EPHA6: variants seen among roughly 807,000 people sequenced by gnomAD.
EPHA6 encodes EPH receptor A6.
Under a neutral mutation model 112.0 loss-of-function variants are expected in EPHA6, and 50 were observed. The observed-to-expected ratio is 0.45, with a 90% CI of 0.36 to 0.56. The LOEUF (loss-of-function observed/expected upper bound fraction) is 0.56, where lower values mean the gene tolerates loss of function less well. EPHA6 is among the 20% of genes least tolerant of loss of function. The probability of loss-of-function intolerance (pLI) is 0.00; values close to 1 mark genes in which losing one functional copy is unlikely to be tolerated. For synonymous variants in EPHA6, 529 were observed against 490.7 expected (o/e 1.08, Z -1.03); for missense variants, 1,280 against 1,417.4 (o/e 0.90, Z 1.56).
chr3:97,171,621 T>A (rs148885655), intron 3 of EPHA6, among the ~76,000 whole-genome samples: 1 of 152,184 alleles, frequency 6.6e-6, no homozygotes, highest in Admixed American at 6.5e-5. Context: ...TGTAAGTTAT[T>A]GGGAGAATGA....
At chr3:97,049,499 A>C (rs2045617877) in intron 3 of EPHA6, among the ~76,000 whole-genome samples, 1 of 152,232 alleles carries the variant, frequency 6.6e-6, no homozygotes, top group African/African-American at 2.4e-5. Flanking sequence ...CAGATAGCGC[A>C]GATAGAGCTT....
At chr3:97,212,695 A>G (rs1363040523) in intron 3 of EPHA6, among the ~76,000 whole-genome samples, 4 of 152,230 alleles carry the variant, frequency 2.6e-5, no homozygotes, top group South Asian at 4.1e-4. Flanking sequence ...CATCTTTAAC[A>G]TATAAATTAT....
chr3:96,874,235 T>G (rs2036813462), intron 2 of EPHA6, among the ~76,000 whole-genome samples: 1 of 152,158 alleles, frequency 6.6e-6, no homozygotes, highest in African/African-American at 2.4e-5. Flanking sequence ...ACTGTAAAGA[T>G]TAATTTTCCT....
chr3:97,174,878 C>G (rs1004661249), intron 3 of EPHA6, among the ~76,000 whole-genome samples: 1 of 151,566 alleles, frequency 6.6e-6, no homozygotes, highest in South Asian at 2.1e-4. Flanking sequence ...GTATCTTTGC[C>G]GTGAAGAGCC....
At chr3:97,339,557 T>A (rs2083209393) in intron 5 of EPHA6, among the ~76,000 whole-genome samples, 1 of 152,338 alleles carries the variant, frequency 6.6e-6, no homozygotes, top group South Asian at 2.1e-4. Context: ...ATGCTCTATT[T>A]TCCACTTACT....
In EPHA6 at chr3:96,814,806, GGAA is replaced by G. The variant is rs768296795; in HGVS notation, c.189_191del (p.Glu63del). The G allele has an allele frequency of 7.5e-6, 12 of 1,599,824 alleles. No homozygotes were observed. In the African/African-American group the frequency reaches 1.6e-4, roughly 21 times the overall value. On this transcript the variant is annotated inframe_deletion, in exon 1 of 18. Coordinates refer to ENST00000389672, the MANE Select transcript of EPHA6 (RefSeq NM_001080448.3). Reference sequence around the variant, plus strand: ...GGGTGGAGGAGGAAGAGGAGGAGGAGGAAGAAGACGTGGACAAGGACCCCCATC... The same window carrying G: ...GGGTGGAGGAGGAAGAGGAGGAGGAGGAAGACGTGGACAAGGACCCCCATC...
At chr3:96,845,453 A>G (rs1168849071) in intron 1 of EPHA6, among the ~76,000 whole-genome samples, 1 of 151,972 alleles carries the variant, frequency 6.6e-6, no homozygotes, top group East Asian at 1.9e-4. Context: ...AGTAACTCTG[A>G]TGATGCCTCG....
At position 97,748,691 on chromosome 3, in the gene EPHA6, T is replaced by A; in HGVS notation, c.3383T>A (p.Phe1128Tyr). The A allele has an allele frequency of 6.3e-7, 1 of 1,581,550 alleles. No individual in the cohort carries two copies. The highest frequency in any genetic ancestry group is 1.1e-5 in the South Asian group (1 of 90,072). The stretch of plus-strand genomic sequence containing the variant: ...ATGATGCACATACAGGAGAAGGGAT[T>A]TCATGTATGAAAGTACCACAAGCAC... ...LHMMHIQEKG[F>Y]HV The change falls in exon 18 of 18, where the codon TTT (phenylalanine) becomes TAT (tyrosine). Residue 1128 changes from phenylalanine (F) to tyrosine (Y), a missense_variant. Phe to Tyr is a conservative substitution (Grantham distance 22). This residue lies in a region of EPHA6 where 145 missense variants were observed against 153.3 expected (regional missense o/e 0.95). Transcript: ENST00000389672.
intron 5 of EPHA6, among the ~76,000 whole-genome samples, chr3:97,368,431 A>G (rs2084861244): frequency 1.3e-5 from 2 of 152,172 alleles, no homozygotes; most frequent in Non-Finnish European, 2.9e-5. Context: ...TGCTTATGCA[A>G]AAATAAATAT....
intron 7 of EPHA6, among the ~76,000 whole-genome samples, chr3:97,461,185 A>G (rs2090876871): frequency 6.6e-6 from 1 of 152,198 alleles, no homozygotes; most frequent in African/African-American, 2.4e-5. Flanking sequence ...CAGAAAGAAG[A>G]AAGAAATTTT....
intron 1 of EPHA6, among the ~76,000 whole-genome samples, chr3:96,826,674 G>A (rs2033679995): frequency 6.6e-6 from 1 of 151,984 alleles, no homozygotes; most frequent in South Asian, 2.1e-4. Flanking sequence ...TTATGTCTAA[G>A]TTCTTTATAT....
rs996917464 is a variant in EPHA6, at chr3:96,966,258, C to T, written c.451-21072C>T. ...GCATTAAAGTATCCCATCATTAATA[C>T]GGATTACAGTAACCCATCCAAGGGC... On this transcript the variant is annotated intron_variant, in intron 2 of 17. Coordinates refer to ENST00000389672, the MANE Select transcript of EPHA6 (RefSeq NM_001080448.3). Among the ~76,000 whole-genome samples, 19 of 151,946 alleles carry T rather than the reference C, an allele frequency of 1.3e-4. 1 individual carries two copies. Among genetic ancestry groups the T allele is most frequent in the Admixed American group, 9.9e-4 (15 of 15,210 alleles).
chr3:97,534,082 T>C (rs1368141448), intron 11 of EPHA6, among the ~76,000 whole-genome samples: 1 of 152,154 alleles, frequency 6.6e-6, no homozygotes, highest in Non-Finnish European at 1.5e-5. Context: ...AGAATTCTGC[T>C]CCTGCCACTT....
intron 12 of EPHA6, 110 bp from the exon 13 acceptor site, chr3:97,610,683 C>A: frequency 2.5e-6 from 2 of 810,284 alleles, no homozygotes; most frequent in South Asian, 1.6e-5. Context: ...AAATGAAATT[C>A]CTATTAATAA....
At chr3:97,579,775 A>G (rs935654733) in intron 11 of EPHA6, among the ~76,000 whole-genome samples, 1 of 152,194 alleles carries the variant, frequency 6.6e-6, no homozygotes, top group African/African-American at 2.4e-5. Context: ...AAACTGTAAA[A>G]TATACTGTCA....
intron 14 of EPHA6, among the ~76,000 whole-genome samples, chr3:97,670,828 T>G (rs1162786915): frequency 1.3e-5 from 2 of 152,226 alleles, no homozygotes; most frequent in Non-Finnish European, 2.9e-5. Context: ...TTTCTTTCTT[T>G]GAAACAGATA....
intron 5 of EPHA6, among the ~76,000 whole-genome samples, chr3:97,311,922 G>T (rs1235995496): frequency 6.6e-6 from 1 of 151,564 alleles, no homozygotes; most frequent in Non-Finnish European, 1.5e-5. Flanking sequence ...AATTTAGGGA[G>T]AATTAATATC....
chr3:96,834,240 G>GA (rs2034263435), intron 1 of EPHA6, among the ~76,000 whole-genome samples: 1 of 151,826 alleles, frequency 6.6e-6, no homozygotes, highest in Non-Finnish European at 1.5e-5. Context: ...CATTACACAG[G>GA]AAAAAATGAA....
chr3:97,257,820 A>C (rs922758721), intron 5 of EPHA6, among the ~76,000 whole-genome samples: 5 of 152,078 alleles, frequency 3.3e-5, no homozygotes, highest in African/African-American at 1.2e-4. Context: ...TGGAATGACA[A>C]GTCTAGTGAA....
Sources: allele counts gnomAD v4.1 joint callset (sites outside exome capture counted in the v4.1 genomes callset), GRCh38; gene constraint gnomAD v4.1.1; regional missense constraint gnomAD v4.1.1; transcripts MANE v1.5; gene names NCBI Gene and HGNC (gene_info 2026-07-23, HGNC 2026-07-21).